Variants in RPS6KB1 observed in about 807,000 individuals in gnomAD.
RPS6KB1 encodes the protein ribosomal protein S6 kinase beta-1.
Under a neutral mutation model 70.2 loss-of-function variants are expected in RPS6KB1, and 12 were observed. The observed-to-expected ratio is 0.17, with a 90% CI of 0.11 to 0.28. The LOEUF is 0.28. Among genes scored for constraint, RPS6KB1 ranks in the 10% least tolerant of loss-of-function variants. The probability of loss-of-function intolerance (pLI) is 1.00; values close to 1 mark genes in which losing one functional copy is unlikely to be tolerated. For missense variants in RPS6KB1, 270 were observed against 646.6 expected, an observed-to-expected ratio of 0.42 and a Z score of 6.32; for synonymous variants, 175 against 211.2, an observed-to-expected ratio of 0.83 and a Z score of 1.49.
chr17:59,923,433 T>C (rs2043398862), intron 4 of RPS6KB1, among the ~76,000 whole-genome samples: 1 of 152,272 alleles, frequency 6.6e-6, no homozygotes, highest in East Asian at 1.9e-4. Flanking sequence ...AACATGGTGA[T>C]CCGCCTGCCT....
chr17:59,930,624 C>A (rs1333198827), intron 6 of RPS6KB1, among the ~76,000 whole-genome samples: 2 of 152,090 alleles, frequency 1.3e-5, no homozygotes, highest in Non-Finnish European at 2.9e-5. Context: ...GATTTACCCT[C>A]CTATTTCTAA....
chr17:59,924,006 G>A (rs1024698347), intron 4 of RPS6KB1, among the ~76,000 whole-genome samples: 25 of 152,010 alleles, frequency 1.6e-4, no homozygotes, highest in African/African-American at 5.8e-4. Context: ...CTTACATATA[G>A]GCCACTAAGG....
chr17:59,938,189 G>GT (rs1196833627), intron 12 of RPS6KB1, among the ~76,000 whole-genome samples: 1 of 143,240 alleles, frequency 7.0e-6, no homozygotes, highest in Non-Finnish European at 1.5e-5. Context: ...TTTTTTGGGG[G>GT]GGGGATAGGG....
intron 4 of RPS6KB1, among the ~76,000 whole-genome samples, chr17:59,924,044 C>A (rs1377107510): frequency 6.6e-6 from 1 of 151,738 alleles, no homozygotes; most frequent in Non-Finnish European, 1.5e-5. Flanking sequence ...ACTTAAATAT[C>A]TTTTTCTCGC....
At chr17:59,943,463 G>A (rs767195593) in intron 13 of RPS6KB1, among the ~76,000 whole-genome samples, 9 of 152,108 alleles carry the variant, frequency 5.9e-5, no homozygotes, top group Non-Finnish European at 1.0e-4. Context: ...TGAAGCTTTC[G>A]TTGCCAGTTA....
At chr17:59,915,880 G>A (rs1473475016) in intron 4 of RPS6KB1, among the ~76,000 whole-genome samples, 1 of 137,702 alleles carries the variant, frequency 7.3e-6, no homozygotes, top group Non-Finnish European at 1.5e-5. Flanking sequence ...CCGCCTCCCA[G>A]GTTCAAGTGA....
intron 1 of RPS6KB1, among the ~76,000 whole-genome samples, chr17:59,896,630 G>C (rs2041581741): frequency 6.6e-6 from 1 of 152,090 alleles, no homozygotes; most frequent in Non-Finnish European, 1.5e-5. Context: ...ATTTTGAGAA[G>C]GTGTGAGGAG....
chr17:59,916,281 A>G (rs774934886), intron 4 of RPS6KB1, among the ~76,000 whole-genome samples: 1 of 151,012 alleles, frequency 6.6e-6, no homozygotes, highest in Non-Finnish European at 1.5e-5. Context: ...TTGTATTTTT[A>G]GTAGAGATGC....
chr17:59,901,787 TTGGGAGGCC>T (rs1459522556), intron 1 of RPS6KB1, among the ~76,000 whole-genome samples: 1 of 151,790 alleles, frequency 6.6e-6, no homozygotes, highest in Admixed American at 6.6e-5. Flanking sequence ...TCCCAACACT[TTGGGAGGCC>T]GAGGCAGGAG....
At chr17:59,922,284 G>A (rs1308565038) in intron 4 of RPS6KB1, among the ~76,000 whole-genome samples, 2 of 151,844 alleles carry the variant, frequency 1.3e-5, no homozygotes, top group African/African-American at 2.4e-5. Context: ...CAGGTGAGCC[G>A]CTCTCCTCGG....
chr17:59,935,556 CCTCAGT>C (rs2044178212), intron 10 of RPS6KB1, among the ~76,000 whole-genome samples: 1 of 151,742 alleles, frequency 6.6e-6, no homozygotes, highest in Admixed American at 6.6e-5. Context: ...CTCACTGCAA[CCTCAGT>C]CTCCCAGGTT....
intron 1 of RPS6KB1, among the ~76,000 whole-genome samples, chr17:59,900,319 G>A (rs981704473): frequency 5.9e-5 from 9 of 151,690 alleles, no homozygotes; most frequent in Admixed American, 1.3e-4. Context: ...CTACTCTAAA[G>A]TTTTGACATG....
intron 4 of RPS6KB1, among the ~76,000 whole-genome samples, chr17:59,915,789 T>TA (rs1568429733): frequency 8.7e-5 from 9 of 103,030 alleles, no homozygotes; most frequent in Non-Finnish European, 1.7e-4. Context: ...TTTTTTTTTT[T>TA]TTTTTTTTTT....
chr17:59,919,949 T>C (rs1329164762), intron 4 of RPS6KB1, among the ~76,000 whole-genome samples: 1 of 152,222 alleles, frequency 6.6e-6, no homozygotes, highest in South Asian at 2.1e-4. Context: ...CTTACCCCAC[T>C]CTGCTACATC....
At chr17:59,908,908 G>T (rs999765802) in intron 1 of RPS6KB1, among the ~76,000 whole-genome samples, 4 of 138,544 alleles carry the variant, frequency 2.9e-5, no homozygotes, top group Non-Finnish European at 6.1e-5. Flanking sequence ...GTGAGCCACC[G>T]CGCCCGGCCA....
At position 59,936,285 on chromosome 17, in the gene RPS6KB1, T is replaced by C. The variant is rs2044236471; in HGVS notation, c.1041+8T>C. On this transcript the variant is annotated splice_region_variant and intron_variant, in intron 11 of 14. Transcript: ENST00000225577. ...GACGCTGGAGAAGTTCAAGTAGGGATTGGCATCTTTGGTGTTTTGTGGGGA... is the reference window on the plus strand; with the variant it reads ...GACGCTGGAGAAGTTCAAGTAGGGACTGGCATCTTTGGTGTTTTGTGGGGA... 6.3e-7 allele frequency: 1 copy of C among 1,591,224 alleles called. No individual in the cohort carries two copies. The highest frequency in any genetic ancestry group is 1.9e-5 in the Admixed American group (1 of 52,308).
At chr17:59,909,368 A>T (rs1279924768) in intron 1 of RPS6KB1, among the ~76,000 whole-genome samples, 1 of 146,516 alleles carries the variant, frequency 6.8e-6, no homozygotes, top group Non-Finnish European at 1.5e-5. Context: ...TCTGGGTTCA[A>T]GCAATTCTCC....
chr17:59,901,741 T>G (rs953854335), intron 1 of RPS6KB1, among the ~76,000 whole-genome samples: 10 of 151,906 alleles, frequency 6.6e-5, no homozygotes, highest in Non-Finnish European at 1.3e-4. Context: ...TCTATAGATT[T>G]GGCTTTTCTA....
chr17:59,898,247 A>G (rs1410713318), intron 1 of RPS6KB1, among the ~76,000 whole-genome samples: 2 of 152,158 alleles, frequency 1.3e-5, no homozygotes, highest in African/African-American at 4.8e-5. Flanking sequence ...CTAATTCAAA[A>G]TTTGAAATAA....
Sources: allele counts gnomAD v4.1 joint callset (sites outside exome capture counted in the v4.1 genomes callset), GRCh38; gene constraint gnomAD v4.1.1; transcripts MANE v1.5; gene names NCBI Gene and HGNC (gene_info 2026-07-23, HGNC 2026-07-21).